The following PCDHA5 variants were observed in gnomAD, a reference collection of about 807,000 sequenced individuals.
PCDHA5 encodes protocadherin alpha 5, also known as protocadherin alpha-5.
Under a neutral mutation model 61.6 loss-of-function variants are expected in PCDHA5, and 43 were observed. The observed-to-expected ratio is 0.70, with a 90% CI of 0.55 to 0.90. PCDHA5 has a LOEUF of 0.90. Among genes scored for constraint, PCDHA5 ranks in the 40% least tolerant of loss-of-function variants. The pLI, the probability that PCDHA5 is intolerant of heterozygous loss-of-function variation, is 0.00. For synonymous variants in PCDHA5, 627 were observed against 543.9 expected (o/e 1.15, Z -2.13); for missense variants, 1,298 against 1,222.7 (o/e 1.06, Z -0.92).
At chr5:140,947,147 C>A (rs1025959771) in intron 1 of PCDHA5, among the ~76,000 whole-genome samples, 1 of 151,270 alleles carries the variant, frequency 6.6e-6, no homozygotes, top group African/African-American at 2.4e-5. Flanking sequence ...TGTATAGTTA[C>A]TTCCACGGGG....
intron 1 of PCDHA5, chr5:140,875,685 C>T (rs563250653): frequency 6.2e-7 from 1 of 1,613,934 alleles, no homozygotes; most frequent in South Asian, 1.1e-5. Flanking sequence ...CCAAAAGACA[C>T]GGGGACCTTC....
chr5:140,862,949 C>G lies in PCDHA5; in HGVS notation c.2352+38822C>G, dbSNP rs541015740. The G allele has an allele frequency of 9.9e-5, 54 of 542,878 alleles. 1 individual carries two copies. The highest frequency in any genetic ancestry group is 8.3e-4 in the African/African-American group (44 of 52,750). 33.6% of individuals were successfully genotyped at this position (542,878 alleles called of 1,614,324 possible). A position where few individuals can be genotyped will look rare whatever the true frequency, so the allele number is the denominator to read the frequency against. ...TGGCGGCGCTGTGAGTGAGCTGGTG[C>G]GGTATTCAGTGGATGCAGGCCACTT... On this transcript the variant is annotated intron_variant, in intron 1 of 3. Coordinates refer to ENST00000529859, the MANE Select transcript of PCDHA5 (RefSeq NM_018908.3).
intron 1 of PCDHA5, among the ~76,000 whole-genome samples, chr5:140,938,177 C>A (rs1165477047): frequency 6.6e-6 from 1 of 152,110 alleles, no homozygotes; most frequent in African/African-American, 2.4e-5. Flanking sequence ...AGCTCCTGGG[C>A]TCAAGCAATC....
chr5:140,871,729 G>C, intron 1 of PCDHA5: 1 of 714,516 alleles, frequency 1.4e-6, no homozygotes, highest in Admixed American at 3.4e-5. Context: ...TTAATATTTG[G>C]TTAGCAAATC....
chr5:140,959,163 C>T (rs246007), intron 1 of PCDHA5, among the ~76,000 whole-genome samples: 85,446 of 151,632 alleles, frequency 0.56, 24,671 homozygotes, highest in African/African-American at 0.69. Context: ...GATTGCTTGA[C>T]CCCAGGAGTT....
intron 1 of PCDHA5, chr5:140,857,829 G>A: frequency 1.9e-6 from 3 of 1,597,788 alleles, no homozygotes; most frequent in Non-Finnish European, 2.6e-6. Context: ...GCTAAGGTGC[G>A]CGCAGTGGAC....
chr5:140,960,849 A>G (rs1347970743), intron 1 of PCDHA5, among the ~76,000 whole-genome samples: 10 of 152,220 alleles, frequency 6.6e-5, no homozygotes, highest in African/African-American at 2.2e-4. Context: ...TTTAATGGCA[A>G]CTATAAGCCA....
chr5:140,948,542 C>A (rs141026678), intron 1 of PCDHA5, among the ~76,000 whole-genome samples: 66 of 151,648 alleles, frequency 4.4e-4, no homozygotes, highest in African/African-American at 1.5e-3. Flanking sequence ...ATTTCATGCT[C>A]TGTCAATTTT....
intron 1 of PCDHA5, chr5:140,870,392 G>A (rs1330154432): frequency 1.9e-6 from 3 of 1,614,136 alleles, no homozygotes; most frequent in South Asian, 2.2e-5. Context: ...CGGGATGGGG[G>A]TTCGCCTTCT....
At chr5:140,924,318 G>A (rs550515387) in intron 1 of PCDHA5, among the ~76,000 whole-genome samples, 1 of 152,164 alleles carries the variant, frequency 6.6e-6, no homozygotes, top group East Asian at 1.9e-4. Context: ...AATTTTATCT[G>A]AGACTTGGTG....
rs111528394 is a variant in PCDHA5 at position 140,995,338 on chromosome 5, C to T, written c.2500+12775C>T. Among the ~76,000 whole-genome samples the T allele has an allele frequency of 2.7e-4, 41 of 151,956 alleles. 1 individual carries two copies. Among genetic ancestry groups the T allele is most frequent in the Admixed American group, 6.6e-4 (10 of 15,254 alleles). On this transcript the variant is annotated intron_variant, in intron 3 of 3. Coordinates refer to ENST00000529859, the MANE Select transcript of PCDHA5 (RefSeq NM_018908.3). The stretch of plus-strand genomic sequence containing the variant: ...TGAACTAACAGGTGAGTAGTGTAGA[C>T]GGCATGGATAGGTCGGACAGAGGGA...
Position 140,887,400 on chromosome 5 carries a change from A to G in PCDHA5, c.2352+63273A>G, listed in dbSNP as rs563892577. Among the ~76,000 whole-genome samples, 411 of 152,184 alleles carry G rather than the reference A, an allele frequency of 2.7e-3. 1 individual carries two copies. The highest frequency in any genetic ancestry group is 4.5e-3 in the Non-Finnish European group (305 of 68,000). On this transcript the variant is annotated intron_variant, in intron 1 of 3. Transcript: ENST00000529859. ...TGTGAGCCACCGCGCCCGGCTCTTT[A>G]TCTCATTTTTATTTTTGAAAAAGTA...
At chr5:140,878,107 A>G in intron 1 of PCDHA5, 1 of 256,418 alleles carries the variant, frequency 3.9e-6, no homozygotes, top group Non-Finnish European at 7.2e-6. Context: ...AACCTTGAAA[A>G]AAACAGTATA....
chr5:140,928,551 G>T, intron 1 of PCDHA5: 2 of 1,614,164 alleles, frequency 1.2e-6, no homozygotes, highest in Non-Finnish European at 1.7e-6. Context: ...ACAATTATCC[G>T]GTTATCTTGT....
intron 1 of PCDHA5, chr5:140,856,779 C>T (rs1554149103): frequency 6.3e-7 from 1 of 1,596,160 alleles, no homozygotes; most frequent in East Asian, 2.2e-5. Context: ...TTTGACAGAC[C>T]GGTTTATGAA....
At chr5:140,834,451 C>T (rs1554134220) in intron 1 of PCDHA5, 2 of 1,594,820 alleles carry the variant, frequency 1.3e-6, no homozygotes, top group Admixed American at 3.4e-5. Flanking sequence ...ATTCTAGCAG[C>T]TTGGGAGGCA....
At chr5:140,898,112 G>A (rs1308883558) in intron 1 of PCDHA5, among the ~76,000 whole-genome samples, 1 of 152,046 alleles carries the variant, frequency 6.6e-6, no homozygotes, top group African/African-American at 2.4e-5. Flanking sequence ...TGAGTAGGTT[G>A]CGAAAATTTT....
Position 140,950,516 on chromosome 5 carries a change from G to A in PCDHA5, c.2353-28433G>A, listed in dbSNP as rs184772904. ...ATTTAAGTCATTATTCCCTGTGTGCGATATGATTGTTTTTGTTGCTCTTGC... is the reference window on the plus strand; with the variant it reads ...ATTTAAGTCATTATTCCCTGTGTGCAATATGATTGTTTTTGTTGCTCTTGC... On this transcript the variant is annotated intron_variant, in intron 1 of 3. Coordinates refer to ENST00000529859, the MANE Select transcript of PCDHA5 (RefSeq NM_018908.3). Among the ~76,000 whole-genome samples, 6 of 152,110 alleles carry A rather than the reference G, an allele frequency of 3.9e-5. No individual in the cohort carries two copies. The East Asian group carries it at 9.6e-4, about 24-fold the overall frequency.
At chr5:140,868,478 A>G (rs2050491329) in intron 1 of PCDHA5, 2 of 152,364 alleles carry the variant, frequency 1.3e-5, no homozygotes, top group African/African-American at 2.4e-5. Flanking sequence ...TAAAACTTCA[A>G]TTTTTTCTTT....
Sources: gnomAD v4.1 joint callset for allele counts (sites outside exome capture counted in the v4.1 genomes callset) on GRCh38, gnomAD v4.1.1 for gene constraint, MANE v1.5 for transcripts, NCBI Gene and HGNC (gene_info 2026-07-23, HGNC 2026-07-21) for gene names.